Variants in RYR1 observed in about 807,000 individuals in gnomAD.
The protein encoded by RYR1 is central core disease of muscle.
Under a neutral mutation model 583.5 loss-of-function variants are expected in RYR1, and 342 were observed. The observed-to-expected ratio is 0.59, with a 90% confidence interval of 0.54 to 0.64. The LOEUF (loss-of-function observed/expected upper bound fraction) is 0.64, where lower values mean the gene tolerates loss of function less well. Among genes scored for constraint, RYR1 ranks in the 30% least tolerant of loss-of-function variants. The pLI, the probability that RYR1 is intolerant of heterozygous loss-of-function variation, is 0.00. For synonymous variants in RYR1, 2,791 were observed against 2,822.5 expected (o/e 0.99, Z 0.35); for missense variants, 6,032 against 6,917.2 (o/e 0.87, Z 4.54).
intron 52 of RYR1, 60 bp from the exon 53 acceptor site, chr19:38,505,249 G>T: frequency 1.5e-6 from 2 of 1,293,066 alleles, no homozygotes; most frequent in Non-Finnish European, 1.1e-6. Context: ...CTCCTCCAGG[G>T]TCGCCCCGTG....
At position 38,529,057 on chromosome 19, in the gene RYR1, G is replaced by A. The variant is rs772821039; in HGVS notation, c.11141G>A (p.Ser3714Asn). 6.2e-7 allele frequency: 1 copy of A among 1,613,594 alleles called. No individual in the cohort carries two copies. The highest frequency in any genetic ancestry group is 8.5e-7 in the Non-Finnish European group (1 of 1,179,968). The change falls in exon 76 of 106, where the codon AGC (serine) becomes AAC (asparagine). Residue 3714 changes from serine to asparagine, a missense_variant and splice_region_variant. Coordinates refer to ENST00000359596, the MANE Select transcript of RYR1 (RefSeq NM_000540.3). ...HFSRTALTEK[S>N]KLDEDYLYMA... ...AGCCGCACTGCCCTGACGGAAAAGA[G>A]GTGAAGACTCTTGCCAGGGCCCCAG...
chr19:38,537,835 GC>G (rs1332237289), intron 83 of RYR1, 44 bp from the exon 84 acceptor site: 1 of 1,564,194 alleles, frequency 6.4e-7, no homozygotes, highest in Non-Finnish European at 8.8e-7. Context: ...CTGTGTCTTG[GC>G]GCATCTGACC....
At chr19:38,485,459 T>G in intron 33 of RYR1, 131 bp from the exon 34 acceptor site, 1 of 1,235,658 alleles carries the variant, frequency 8.1e-7, no homozygotes, top group Non-Finnish European at 1.2e-6. Flanking sequence ...GATGGAATGG[T>G]AGGGGTTTGA....
chr19:38,450,420 C>T (rs1967013238), intron 11 of RYR1, among the ~76,000 whole-genome samples: 1 of 151,934 alleles, frequency 6.6e-6, no homozygotes, highest in Non-Finnish European at 1.5e-5. Flanking sequence ...GGAGTATCAC[C>T]CAAGGTTTGT....
At chr19:38,475,477 G>A (rs1237824621) in intron 29 of RYR1, 27 bp downstream of exon 29, 1 of 1,612,240 alleles carries the variant, frequency 6.2e-7, no homozygotes, top group Non-Finnish European at 8.5e-7. Context: ...CTCAATTTTG[G>A]GGTCCCCCCG....
intron 13 of RYR1, 101 bp downstream of exon 13, chr19:38,453,115 T>G (rs1471585706): frequency 8.6e-6 from 10 of 1,168,836 alleles, no homozygotes; most frequent in African/African-American, 3.7e-5. Flanking sequence ...CTGAGGGACC[T>G]GGGGAAGTAG....
Position 38,517,669 on chromosome 19 carries a change from C to T in RYR1, c.9996C>T (p.Ala3332=). 3 of 1,614,160 alleles carry T rather than the reference C, an allele frequency of 1.9e-6. No individual in the cohort carries two copies. The highest frequency in any genetic ancestry group is 2.5e-6 in the Non-Finnish European group (3 of 1,180,018). The change falls in exon 66 of 106, where the codon GCC becomes GCT. Residue 3332 remains alanine (A), a synonymous_variant. Coordinates refer to ENST00000359596, the MANE Select transcript of RYR1 (RefSeq NM_000540.3). ...TCAACAACCTGGGCATTGACGAGGC[C>T]TCCTGGATGAAGCGGCTGGCTGGTG... The part of the protein sequence containing the change: ...IIVNNLGIDE[A]SWMKRLAVFA...
intron 66 of RYR1, 96 bp from the exon 67 acceptor site, chr19:38,519,118 A>G (rs1386801133): frequency 6.3e-7 from 1 of 1,597,774 alleles, no homozygotes; most frequent in Non-Finnish European, 8.5e-7. Context: ...GGCAGCTGCT[A>G]GGTTGGAGAT....
chr19:38,542,667 T>A (rs1972249526), intron 84 of RYR1, among the ~76,000 whole-genome samples: 1 of 150,532 alleles, frequency 6.6e-6, no homozygotes, highest in Non-Finnish European at 1.5e-5. Context: ...TACAGGCACA[T>A]GCCACCACAC....
In RYR1 at chr19:38,499,622, T is replaced by C. The variant is rs773283518; in HGVS notation, c.7028-13T>C. 1.9e-6 allele frequency: 3 copies of C among 1,597,094 alleles called. No homozygotes were observed. The highest frequency in any genetic ancestry group is 2.2e-5 in the East Asian group (1 of 44,872). ...TGGCTCATGAGACCCCCTTTCCCCA[T>C]GCGGGTGGCCAGGCGAGAGCGTGGA... On this transcript the variant is annotated splice_polypyrimidine_tract_variant and intron_variant, in intron 43 of 105. Transcript: ENST00000359596. The surrounding 1 kb of genome is among the most constrained non-coding windows in gnomAD (Gnocchi z 7.3).
rs2145846123 is a variant in RYR1 at position 38,565,485 on chromosome 19, C to T, written c.13151C>T (p.Pro4384Leu). 1 of 1,505,618 alleles carries T rather than the reference C, an allele frequency of 6.6e-7. No homozygotes were observed. The highest frequency in any genetic ancestry group is 8.8e-7 in the Non-Finnish European group (1 of 1,134,722). 93.3% of individuals were successfully genotyped at this position (1,505,618 alleles called of 1,614,324 possible). Reference protein sequence around the residue: ...VTVTELLAGMPDPTSDEVHGE... With the variant: ...VTVTELLAGMLDPTSDEVHGE... ...GTGACCGAGCTCCTGGCAGGCATGC[C>T]CGACCCCACCAGCGACGAGGTGCAC... is the stretch of plus-strand genomic sequence containing the variant. The change falls in exon 91 of 106, where the codon CCC becomes CTC. Residue 4384 changes from proline to leucine, a missense_variant. Physicochemically the swap from Pro to Leu is moderately conservative, Grantham distance 98. Transcript: ENST00000359596. The surrounding 1 kb of genome is among the most constrained non-coding windows in gnomAD (Gnocchi z 4.7).
intron 70 of RYR1, 62 bp from the exon 71 acceptor site, chr19:38,525,270 C>T (rs1260600724): frequency 1.2e-5 from 19 of 1,550,406 alleles, no homozygotes; most frequent in South Asian, 5.5e-5. Flanking sequence ...ATGATGGCCG[C>T]GGGTTGGGGC....
intron 31 of RYR1, among the ~76,000 whole-genome samples, chr19:38,479,657 C>G (rs572222307): frequency 3.3e-5 from 5 of 151,866 alleles, no homozygotes; most frequent in African/African-American, 9.7e-5. Context: ...AAGCGATCTC[C>G]CCACCTTGGC....
Position 38,467,785 on chromosome 19 carries a change from G to A in RYR1, c.3354G>A (p.Glu1118=), listed in dbSNP as rs750372958. ...CTGATGTAGAGCTGGGAGCTGACGA[G>A]CTGGCCTATGTCTTCAATGGGCACC... is the stretch of plus-strand genomic sequence containing the variant. The part of the protein sequence containing the change: ...LRPDVELGAD[E]LAYVFNGHRG... The change falls in exon 25 of 106, where the codon GAG becomes GAA. Residue 1118 remains glutamate, a synonymous_variant. Transcript: ENST00000359596. 1.9e-6 allele frequency: 3 copies of A among 1,614,152 alleles called. No individual in the cohort carries two copies. Among genetic ancestry groups the A allele is most frequent in the South Asian group, 2.2e-5 (2 of 91,078 alleles).
chr19:38,517,256 G>A lies in RYR1; in HGVS notation c.9686-103G>A, dbSNP rs951752775. ...ATAGGGTTTGGGAGACTGTTTAAGG[G>A]GGGTGGCAATTCAATGGTGTCTGAT... On this transcript the variant is annotated intron_variant, in intron 65 of 105. Coordinates refer to ENST00000359596, the MANE Select transcript of RYR1 (RefSeq NM_000540.3). 13 of 1,169,630 alleles carry A rather than the reference G, an allele frequency of 1.1e-5. No homozygotes were observed. The East Asian group carries it at 3.3e-4, about 29-fold the overall frequency. 72.5% of individuals were successfully genotyped at this position (1,169,630 alleles called of 1,614,324 possible). A position where few individuals can be genotyped will look rare whatever the true frequency, so the allele number is the denominator to read the frequency against.
At position 38,570,630 on chromosome 19, in the gene RYR1, C is replaced by T; in HGVS notation, c.13683C>T (p.Tyr4561=). ...AGAACTACCTGTCCCGGAACTTTTA[C>T]ACCCTGCGGTTCCTTGCCCTCTTCT... ...KFLNYLSRNF[Y]TLRFLALFLA... is the part of the protein sequence containing the mutation. Residue 4561 remains tyrosine (Y), a synonymous_variant, in exon 94 of 106, where the codon TAC becomes TAT. Coordinates refer to ENST00000359596, the MANE Select transcript of RYR1 (RefSeq NM_000540.3). 1 of 1,614,026 alleles carries T rather than the reference C, an allele frequency of 6.2e-7. No homozygotes were observed. Among genetic ancestry groups the T allele is most frequent in the Non-Finnish European group, 8.5e-7 (1 of 1,179,938 alleles).
chr19:38,532,826 A>T, intron 78 of RYR1, 90 bp downstream of exon 78: 4 of 1,347,174 alleles, frequency 3.0e-6, no homozygotes, highest in Non-Finnish European at 4.2e-6. Flanking sequence ...TCACAGAGCA[A>T]AGCTCTGGGG....
intron 11 of RYR1, among the ~76,000 whole-genome samples, chr19:38,450,741 G>T (rs1967029565): frequency 7.6e-6 from 1 of 131,544 alleles, no homozygotes; most frequent in Non-Finnish European, 1.6e-5. Flanking sequence ...AGCTGGCCAT[G>T]TTGCCCATTC....
In RYR1 at chr19:38,473,723, G is replaced by C; in HGVS notation, c.4112G>C (p.Arg1371Thr). 1 of 1,546,604 alleles carries C rather than the reference G, an allele frequency of 6.5e-7. No homozygotes were observed. The highest frequency in any genetic ancestry group is 1.4e-5 in the African/African-American group (1 of 72,898). The change falls in exon 28 of 106, where the codon AGG becomes ACG. Residue 1371 changes from arginine (R) to threonine (T), a missense_variant. Around this residue, in one of 11 missense-constraint regions of RYR1, gnomAD observed 2,627 missense variants for 2,961.3 expected, o/e 0.89. Coordinates refer to ENST00000359596, the MANE Select transcript of RYR1 (RefSeq NM_000540.3). Reference protein sequence around the residue: ...PQAGGEAQPARAENEKDATTE... With the variant: ...PQAGGEAQPATAENEKDATTE... ...GCGGGGGGAGAGGCGCAGCCCGCCA[G>C]GGCGGAGAATGAGAAGGATGCCACC... is the stretch of plus-strand genomic sequence containing the variant.
Sources: gnomAD v4.1 joint callset for allele counts (sites outside exome capture counted in the v4.1 genomes callset) on GRCh38, gnomAD v4.1.1 for gene constraint, gnomAD v4.1.1 regional missense constraint, Gnocchi (gnomAD v3.1) non-coding constraint, MANE v1.5 for transcripts, NCBI Gene and HGNC (gene_info 2026-07-23, HGNC 2026-07-21) for gene names.